Variants in SLC9A5 observed in about 807,000 individuals in gnomAD.
SLC9A5 encodes the protein sodium/hydrogen exchanger 5.
SLC9A5 carries 52 observed loss-of-function variants against 91.7 expected under a neutral mutation model. The observed-to-expected ratio is 0.57, with a 90% CI of 0.45 to 0.71. The LOEUF (loss-of-function observed/expected upper bound fraction) is 0.71. Ranked by LOEUF, SLC9A5 falls within the 30% of genes least tolerant of loss-of-function variation. SLC9A5 has a pLI of 0.00. For synonymous variants in SLC9A5, 419 were observed against 474.5 expected (o/e 0.88, Z 1.52); for missense variants, 871 against 1,158.9 (o/e 0.75, Z 3.61).
rs573288334 is a variant in SLC9A5 at position 67,257,437 on chromosome 16, G to A, written c.1425+3G>A. 2 of 1,614,044 alleles carry A rather than the reference G, an allele frequency of 1.2e-6. No individual in the cohort carries two copies. The highest frequency in any genetic ancestry group is 2.2e-5 in the South Asian group (2 of 91,080). ...TGAACCAGGAGCTGCATGAACACGT[G>A]GGTATCAGAACCCCAGCCCTCGCCT... On this transcript the variant is annotated splice_donor_region_variant and intron_variant, in intron 8 of 15. Coordinates refer to ENST00000299798, the MANE Select transcript of SLC9A5 (RefSeq NM_004594.3). The surrounding 1 kb of genome is among the most constrained non-coding windows in gnomAD (Gnocchi z 5.1).
In SLC9A5 at chr16:67,255,969, G is replaced by T. The variant is rs755653773; in HGVS notation, c.911+39G>T. 5.6e-6 allele frequency: 9 copies of T among 1,597,398 alleles called. No individual in the cohort carries two copies. The African/African-American group carries it at 1.2e-4, about 21-fold the overall frequency. On this transcript the variant is annotated intron_variant, in intron 5 of 15. Transcript: ENST00000299798. This position sits in a 1 kb window ranked among gnomAD's most constrained non-coding sequence, Gnocchi z 4.9. ...GCCTTGCAGGCAGATAGCTGGGAGG[G>T]GGCACTGGAGATGGTTGCCCCTCAT...
chr16:67,253,674 C>G (rs2035212324), intron 2 of SLC9A5, among the ~76,000 whole-genome samples: 1 of 152,184 alleles, frequency 6.6e-6, no homozygotes, highest in Non-Finnish European at 1.5e-5. Context: ...AAGCACATGT[C>G]ACTATGCCCA....
At position 67,270,749 on chromosome 16, in the gene SLC9A5, G is replaced by T; in HGVS notation, c.2230G>T (p.Val744Leu). 1 of 1,606,322 alleles carries T rather than the reference G, an allele frequency of 6.2e-7. No homozygotes were observed. Among genetic ancestry groups the T allele is most frequent in the Non-Finnish European group, 8.5e-7 (1 of 1,175,250 alleles). Residue 744 changes from valine (V) to leucine (L), a missense_variant, in exon 16 of 16, where the codon GTG (valine) becomes TTG (leucine). Val to Leu is a conservative substitution (Grantham distance 32, BLOSUM62 1). Transcript: ENST00000299798. The surrounding 1 kb of genome is among the most constrained non-coding windows in gnomAD (Gnocchi z 4.3). Reference sequence around the variant, plus strand: ...CTCTCTGTCCCCAGGAAGCCTTGAGGTGTGCCCAAGCCCACGAATCATTCC... The same window carrying T: ...CTCTCTGTCCCCAGGAAGCCTTGAGTTGTGCCCAAGCCCACGAATCATTCC... The part of the protein sequence containing the change: ...QEGKVSGSLE[V>L]CPSPRIIPPS...
chr16:67,250,603 G>A (rs1378524645), intron 1 of SLC9A5, among the ~76,000 whole-genome samples: 1 of 152,198 alleles, frequency 6.6e-6, no homozygotes, highest in Non-Finnish European at 1.5e-5. Context: ...TAAGAGAAGA[G>A]AGCCTCCTTT....
In SLC9A5 at chr16:67,259,807, C is replaced by G. The variant is rs747296896; in HGVS notation, c.1716-13C>G. On this transcript the variant is annotated splice_polypyrimidine_tract_variant and intron_variant, in intron 11 of 15. Transcript: ENST00000299798. ...GCCCCCTCTCCAGCACATGTGTCCCCTGCCTCCTGCAGGAGGGAGAGTGGC... is the reference window on the plus strand; with the variant it reads ...GCCCCCTCTCCAGCACATGTGTCCCGTGCCTCCTGCAGGAGGGAGAGTGGC... 1 of 1,613,850 alleles carries G rather than the reference C, an allele frequency of 6.2e-7. No homozygotes were observed. Among genetic ancestry groups the G allele is most frequent in the Non-Finnish European group, 8.5e-7 (1 of 1,179,782 alleles).
At position 67,252,460 on chromosome 16, in the gene SLC9A5, A is replaced by AC; in HGVS notation, c.188-82_188-81insC. The stretch of plus-strand genomic sequence containing the variant: ...GTGAGACTTCATCTCAAAAAAAAAA[A>AC]AACAAAACTGGGAGTTCATAGGCCT... On this transcript the variant is annotated intron_variant, in intron 1 of 15. Transcript: ENST00000299798. This position sits in a 1 kb window ranked among gnomAD's most constrained non-coding sequence, Gnocchi z 4.0. The AC allele has an allele frequency of 1.5e-6, 2 of 1,320,786 alleles. No homozygotes were observed. Among genetic ancestry groups the AC allele is most frequent in the East Asian group, 4.6e-5 (2 of 43,184 alleles). The allele number at this position is 1,320,786 out of a possible 1,614,324, so 81.8% of individuals were successfully genotyped here.
intron 1 of SLC9A5, among the ~76,000 whole-genome samples, chr16:67,251,403 CTTTTTTTTTTTT>C (rs939453669): frequency 2.2e-4 from 14 of 64,800 alleles, no homozygotes; most frequent in East Asian, 1.6e-3. Context: ...AGTAGATTGT[CTTTTTTTTTTTT>C]TTTTTTTTTT....
intron 14 of SLC9A5, among the ~76,000 whole-genome samples, chr16:67,265,620 G>A (rs188998480): frequency 1.1e-4 from 16 of 152,118 alleles, no homozygotes; most frequent in Non-Finnish European, 1.8e-4. Context: ...ACAGGGTTTC[G>A]CATTGTTGGC....
rs1383378914 is a variant in SLC9A5 at position 67,266,229 on chromosome 16, A to G, written c.2218+4A>G. On this transcript the variant is annotated splice_donor_region_variant and intron_variant, in intron 15 of 15. Transcript: ENST00000299798. ...CTCCAAGAGGGCAAGGTCTCAGGTA[A>G]TGGCTTCCTCCCTGCCCACCTCCCC... 1.3e-6 allele frequency: 2 copies of G among 1,591,772 alleles called. No individual in the cohort carries two copies. Among genetic ancestry groups the G allele is most frequent in the African/African-American group, 2.7e-5 (2 of 73,492 alleles).
At chr16:67,265,273 T>C in intron 14 of SLC9A5, 167 bp downstream of exon 14, 1 of 639,420 alleles carries the variant, frequency 1.6e-6, no homozygotes, top group South Asian at 1.9e-5. Flanking sequence ...AAAGCAGTTA[T>C]TAGACAATGC....
chr16:67,253,118 T>C (rs986863579), intron 2 of SLC9A5, among the ~76,000 whole-genome samples: 2 of 152,174 alleles, frequency 1.3e-5, no homozygotes, highest in African/African-American at 4.8e-5. Flanking sequence ...TTCTGTTGCC[T>C]CCTGCCCTCT....
intron 15 of SLC9A5, among the ~76,000 whole-genome samples, chr16:67,269,371 G>A (rs2035845263): frequency 6.6e-6 from 1 of 152,142 alleles, no homozygotes; most frequent in Admixed American, 6.6e-5. Context: ...GGTGGAGACT[G>A]CAGTGAGCTG....
chr16:67,261,160 A>C (rs1597356924), intron 12 of SLC9A5: 1 of 152,176 alleles, frequency 6.6e-6, no homozygotes, highest in East Asian at 1.9e-4. Context: ...CTGGCCAGGG[A>C]AGGGCCTAGA....
In SLC9A5 at chr16:67,249,008, C is replaced by T. The variant is rs757541257; in HGVS notation, c.-7C>T. 120 of 1,337,320 alleles carry T rather than the reference C, an allele frequency of 9.0e-5. No individual in the cohort carries two copies. The highest frequency in any genetic ancestry group is 5.6e-4 in the Middle Eastern group (2 of 3,558). The allele number at this position is 1,337,320 out of a possible 1,614,324, so 82.8% of individuals were successfully genotyped here. A position where few individuals can be genotyped will look rare whatever the true frequency, so the allele number is the denominator to read the frequency against. ...GGTGCCGGGAGGGCGGCTGGGCAGG[C>T]GGCAGGATGCTGCGCGCCGCCCTGT... is the stretch of plus-strand genomic sequence containing the variant. On this transcript the variant is annotated 5_prime_UTR_variant, in exon 1 of 16. Coordinates refer to ENST00000299798, the MANE Select transcript of SLC9A5 (RefSeq NM_004594.3).
chr16:67,266,378 C>T (rs775322208), intron 15 of SLC9A5, among the ~76,000 whole-genome samples, 153 bp downstream of exon 15: 2 of 152,040 alleles, frequency 1.3e-5, no homozygotes, highest in East Asian at 1.9e-4. Context: ...ACCAGATGCC[C>T]GACATAGGTA....
At chr16:67,266,895 T>C (rs548802110) in intron 15 of SLC9A5, among the ~76,000 whole-genome samples, 320 of 146,220 alleles carry the variant, frequency 2.2e-3, no homozygotes, top group African/African-American at 8.1e-3. Context: ...TGCTATAATC[T>C]TTTTTTTCTT....
At chr16:67,268,710 A>ATATATATT (rs1555500934) in intron 15 of SLC9A5, among the ~76,000 whole-genome samples, 14 of 89,738 alleles carry the variant, frequency 1.6e-4, no homozygotes, top group East Asian at 3.5e-4. Context: ...ATATATATAT[A>ATATATATT]TTTTTACAGT....
intron 15 of SLC9A5, among the ~76,000 whole-genome samples, chr16:67,269,439 C>CA (rs1408250613): frequency 1.3e-5 from 2 of 151,664 alleles, no homozygotes; most frequent in Non-Finnish European, 2.9e-5. Flanking sequence ...CTCAAACAAA[C>CA]AAAAAAACAA....
chr16:67,270,224 C>G lies in SLC9A5; in HGVS notation c.2219-514C>G, dbSNP rs985832912. Among the ~76,000 whole-genome samples the G allele has an allele frequency of 1.3e-5, 2 of 152,150 alleles. No homozygotes were observed. The highest frequency in any genetic ancestry group is 4.8e-5 in the African/African-American group (2 of 41,434). On this transcript the variant is annotated intron_variant, in intron 15 of 15. Transcript: ENST00000299798. The surrounding 1 kb of genome is among the most constrained non-coding windows in gnomAD (Gnocchi z 4.3). ...TTTTTTATATAGAGTCTCACTCTTT[C>G]ACCCAGGCTGGAGTGCAGTGGCGAG...
Sources: gnomAD v4.1 joint callset for allele counts (sites outside exome capture counted in the v4.1 genomes callset) on GRCh38, gnomAD v4.1.1 for gene constraint, Gnocchi (gnomAD v3.1) non-coding constraint, MANE v1.5 for transcripts, NCBI Gene and HGNC (gene_info 2026-07-23, HGNC 2026-07-21) for gene names.